Variants in MAGI2 observed in about 807,000 individuals in gnomAD.
MAGI2 encodes the protein membrane-associated guanylate kinase, WW and PDZ domain-containing protein 2.
Under a neutral mutation model 133.3 loss-of-function variants are expected in MAGI2, and 35 were observed. That is an observed-to-expected ratio of 0.26 (90% CI 0.20 to 0.35). The LOEUF is 0.35. MAGI2 is among the 10% of genes least tolerant of loss of function. The pLI, the probability that MAGI2 is intolerant of heterozygous loss-of-function variation, is 1.00. For synonymous variants in MAGI2, 729 were observed against 710.6 expected, an observed-to-expected ratio of 1.03 and a Z score of -0.41; for missense variants, 1,636 against 1,863.4, an observed-to-expected ratio of 0.88 and a Z score of 2.25.
intron 10 of MAGI2, among the ~76,000 whole-genome samples, chr7:78,202,929 TA>T (rs1829397657): frequency 1.3e-5 from 2 of 152,126 alleles, no homozygotes; most frequent in African/African-American, 2.4e-5. Flanking sequence ...GAGTTGACAG[TA>T]AAAATTACAT....
At chr7:78,521,361 A>G (rs1213041541) in intron 4 of MAGI2, 69 bp downstream of exon 4, 1 of 1,085,384 alleles carries the variant, frequency 9.2e-7, no homozygotes, top group Non-Finnish European at 1.4e-6. Context: ...TACTGTGTAT[A>G]TGTGTACATA....
At chr7:78,538,899 AC>A (rs1242957991) in intron 3 of MAGI2, among the ~76,000 whole-genome samples, 10 of 152,232 alleles carry the variant, frequency 6.6e-5, no homozygotes, top group Non-Finnish European at 4.4e-5. Flanking sequence ...TCAGGCAACA[AC>A]TAGCACAATG....
At chr7:78,043,092 A>G (rs964047560) in intron 21 of MAGI2, among the ~76,000 whole-genome samples, 1 of 152,208 alleles carries the variant, frequency 6.6e-6, no homozygotes, top group Non-Finnish European at 1.5e-5. Flanking sequence ...CAGTTTTCCT[A>G]AATGTTAAAT....
At chr7:78,937,499 C>T (rs1436852820) in intron 2 of MAGI2, among the ~76,000 whole-genome samples, 4 of 152,042 alleles carry the variant, frequency 2.6e-5, no homozygotes, top group African/African-American at 9.7e-5. Flanking sequence ...TTCACAGTCT[C>T]CAAGTGTTTT....
At chr7:78,819,596 T>C (rs1284597295) in intron 2 of MAGI2, among the ~76,000 whole-genome samples, 1 of 152,046 alleles carries the variant, frequency 6.6e-6, no homozygotes, top group Non-Finnish European at 1.5e-5. Flanking sequence ...TGTGTGTCTG[T>C]ATTAGAGAGA....
At chr7:79,222,523 C>T (rs1031990906) in intron 1 of MAGI2, among the ~76,000 whole-genome samples, 2 of 151,970 alleles carry the variant, frequency 1.3e-5, no homozygotes, top group Admixed American at 6.6e-5. Flanking sequence ...TTTTAAATCA[C>T]GACTGACTGT....
chr7:78,207,690 G>T (rs1224073652), intron 10 of MAGI2, among the ~76,000 whole-genome samples: 1 of 152,084 alleles, frequency 6.6e-6, no homozygotes, highest in Non-Finnish European at 1.5e-5. Flanking sequence ...GGGTAAAAGG[G>T]CAATTTTTCC....
At chr7:78,290,659 T>G (rs1796610772) in intron 9 of MAGI2, among the ~76,000 whole-genome samples, 1 of 152,042 alleles carries the variant, frequency 6.6e-6, no homozygotes, top group South Asian at 2.1e-4. Flanking sequence ...AGCACCACAT[T>G]GCATTGCACT....
chr7:78,488,503 T>C (rs1793280065), intron 6 of MAGI2, among the ~76,000 whole-genome samples: 1 of 151,674 alleles, frequency 6.6e-6, no homozygotes, highest in Non-Finnish European at 1.5e-5. Context: ...AACTCCCAGT[T>C]AGAACAGGTC....
At chr7:79,261,552 T>C (rs1332236039) in intron 1 of MAGI2, among the ~76,000 whole-genome samples, 1 of 152,168 alleles carries the variant, frequency 6.6e-6, no homozygotes, top group African/African-American at 2.4e-5. Context: ...TGCCATCTTC[T>C]CAGTCACCTC....
chr7:78,527,833 A>T (rs1336740692), intron 3 of MAGI2, among the ~76,000 whole-genome samples: 1 of 152,214 alleles, frequency 6.6e-6, no homozygotes, highest in Non-Finnish European at 1.5e-5. Context: ...CTTTTGGTGT[A>T]TAATAATATG....
At chr7:78,187,599 A>T (rs1190162419) in intron 12 of MAGI2, among the ~76,000 whole-genome samples, 1 of 152,202 alleles carries the variant, frequency 6.6e-6, no homozygotes, top group African/African-American at 2.4e-5. Flanking sequence ...CAGTTGGCTC[A>T]TGGAGAGCAT....
At chr7:78,312,385 T>C (rs887979596) in intron 9 of MAGI2, among the ~76,000 whole-genome samples, 2 of 152,146 alleles carry the variant, frequency 1.3e-5, no homozygotes, top group African/African-American at 4.8e-5. Flanking sequence ...AGGCGAACTG[T>C]AAATTTTAGC....
intron 3 of MAGI2, among the ~76,000 whole-genome samples, chr7:78,611,053 A>G (rs527710935): frequency 2.6e-4 from 39 of 152,326 alleles, no homozygotes; most frequent in African/African-American, 9.4e-4. Context: ...GGTTAACATA[A>G]TACTTTCATT....
intron 6 of MAGI2, among the ~76,000 whole-genome samples, chr7:78,439,984 T>A (rs1230840832): frequency 6.6e-6 from 1 of 152,126 alleles, no homozygotes; most frequent in Non-Finnish European, 1.5e-5. Context: ...ATAAATATTA[T>A]TAATTTAACG....
intron 2 of MAGI2, among the ~76,000 whole-genome samples, chr7:78,889,644 G>T (rs1193777933): frequency 6.6e-6 from 1 of 152,104 alleles, no homozygotes; most frequent in African/African-American, 2.4e-5. Context: ...CATAAGTGAA[G>T]GAGAAATAAA....
chr7:78,671,709 C>T (rs1053380311), intron 2 of MAGI2, among the ~76,000 whole-genome samples: 2 of 152,008 alleles, frequency 1.3e-5, no homozygotes, highest in Non-Finnish European at 2.9e-5. Context: ...CAGCTAAAAC[C>T]GTCTGATGTT....
chr7:79,064,965 T>C (rs1220729394), intron 1 of MAGI2, among the ~76,000 whole-genome samples: 1 of 152,036 alleles, frequency 6.6e-6, no homozygotes, highest in Non-Finnish European at 1.5e-5. Context: ...TAATTATTGG[T>C]GGAACTACAA....
intron 2 of MAGI2, among the ~76,000 whole-genome samples, chr7:78,661,066 T>C (rs1256557598): frequency 6.6e-6 from 1 of 152,176 alleles, no homozygotes; most frequent in Non-Finnish European, 1.5e-5. Context: ...CTAGACCTTC[T>C]TCCTTCTCCC....
Sources: allele counts gnomAD v4.1 joint callset (sites outside exome capture counted in the v4.1 genomes callset), GRCh38; gene constraint gnomAD v4.1.1; transcripts MANE v1.5; gene names NCBI Gene and HGNC (gene_info 2026-07-23, HGNC 2026-07-21).